GDPD4: variants seen among roughly 807,000 people sequenced by gnomAD.
GDPD4 encodes the protein glycerophosphodiester phosphodiesterase 6.
Under a neutral mutation model 67.8 loss-of-function variants are expected in GDPD4, and 60 were observed. The ratio of observed to expected loss-of-function variants is 0.88; its 90% CI spans 0.72 to 1.10. The LOEUF (loss-of-function observed/expected upper bound fraction) is 1.10. Ranked by LOEUF, GDPD4 falls within the 50% of genes least tolerant of loss-of-function variation. GDPD4 has a pLI of 0.00. For missense variants in GDPD4, 623 were observed against 613.9 expected (o/e 1.01, Z -0.16); for synonymous variants, 212 against 210.9 (o/e 1.00, Z -0.04).
intron 16 of GDPD4, among the ~76,000 whole-genome samples, chr11:77,224,905 C>A (rs1404125161): frequency 6.6e-6 from 1 of 151,158 alleles, no homozygotes; most frequent in Non-Finnish European, 1.5e-5. Context: ...AGTTTGAGAT[C>A]AGCCTGGGCA....
rs545814559 is a variant in GDPD4, at chr11:77,219,789, G to A, written c.1526-2475C>T. Among the ~76,000 whole-genome samples the A allele has an allele frequency of 6.9e-3, 1,046 of 152,204 alleles. 9 individuals are homozygous for A. The highest frequency in any genetic ancestry group is 0.02 in the Middle Eastern group (6 of 294). On this transcript the variant is annotated intron_variant, in intron 16 of 16. Coordinates refer to ENST00000315938, the MANE Select transcript of GDPD4 (RefSeq NM_182833.3). ...CTGTTTTGGTTACTGTAGCCTTGTA[G>A]TATAGTTTGAAGTCAGGTAGCTTGA... is the stretch of plus-strand genomic sequence containing the variant.
chr11:77,266,602 A>G (rs1004369690), intron 10 of GDPD4, among the ~76,000 whole-genome samples: 1 of 152,194 alleles, frequency 6.6e-6, no homozygotes, highest in Non-Finnish European at 1.5e-5. Flanking sequence ...TTGTTTTCAT[A>G]GGAGATGACC....
intron 1 of GDPD4, among the ~76,000 whole-genome samples, chr11:77,295,716 G>A (rs1937932386): frequency 6.6e-6 from 1 of 152,156 alleles, no homozygotes; most frequent in Admixed American, 6.5e-5. Context: ...GCAAAGATTT[G>A]TTAGGTATAA....
intron 5 of GDPD4, among the ~76,000 whole-genome samples, chr11:77,274,259 T>C (rs1959348398): frequency 6.6e-6 from 1 of 152,222 alleles, no homozygotes; most frequent in Non-Finnish European, 1.5e-5. Flanking sequence ...TCTAAATTTA[T>C]ATTTCCAGTT....
intron 11 of GDPD4, among the ~76,000 whole-genome samples, chr11:77,253,370 T>C (rs187309312): frequency 6.6e-6 from 1 of 152,250 alleles, no homozygotes; most frequent in Non-Finnish European, 1.5e-5. Context: ...CAGCAGTATC[T>C]CAGACTCTGT....
chr11:77,235,193 TACCCACTTTCTTAA>T (rs1958538297), intron 13 of GDPD4, among the ~76,000 whole-genome samples: 1 of 152,006 alleles, frequency 6.6e-6, no homozygotes. Flanking sequence ...TCATATCCTT[TACCCACTTTCTTAA>T]ACAAGTGGAG....
intron 1 of GDPD4, among the ~76,000 whole-genome samples, chr11:77,294,791 G>C (rs970163401): frequency 6.6e-6 from 1 of 152,008 alleles, no homozygotes; most frequent in South Asian, 2.1e-4. Flanking sequence ...CAAAAAGACA[G>C]ACATAGAGAT....
At chr11:77,271,845 A>C (rs1565535803) in intron 5 of GDPD4, among the ~76,000 whole-genome samples, 1 of 152,218 alleles carries the variant, frequency 6.6e-6, no homozygotes, top group Non-Finnish European at 1.5e-5. Flanking sequence ...AAGCTTCATG[A>C]AGTCAAGGTT....
At chr11:77,219,349 G>A (rs939105734) in intron 16 of GDPD4, among the ~76,000 whole-genome samples, 8 of 152,204 alleles carry the variant, frequency 5.3e-5, no homozygotes, top group African/African-American at 1.9e-4. Context: ...TCACTCCGAT[G>A]GCAGTTTGTT....
chr11:77,239,254 A>G (rs2135838117), intron 13 of GDPD4, among the ~76,000 whole-genome samples: 1 of 152,372 alleles, frequency 6.6e-6, no homozygotes, highest in African/African-American at 2.4e-5. Flanking sequence ...AATGGTGAAC[A>G]GTCGAAAGCT....
At chr11:77,256,770 C>T (rs1263304303) in intron 11 of GDPD4, among the ~76,000 whole-genome samples, 4 of 152,166 alleles carry the variant, frequency 2.6e-5, no homozygotes, top group Non-Finnish European at 1.5e-5. Flanking sequence ...CTCCCTCTCT[C>T]GCCATATGAC....
intron 11 of GDPD4, among the ~76,000 whole-genome samples, chr11:77,254,383 T>C (rs1335474105): frequency 1.3e-5 from 2 of 152,128 alleles, no homozygotes; most frequent in Admixed American, 1.3e-4. Flanking sequence ...GTCTCCTGAG[T>C]TTCTGTGCTC....
intron 11 of GDPD4, among the ~76,000 whole-genome samples, chr11:77,252,650 T>C (rs1958930117): frequency 6.6e-6 from 1 of 152,188 alleles, no homozygotes; most frequent in Admixed American, 6.5e-5. Context: ...CTAAACTTTC[T>C]AGAGTGGCTT....
intron 10 of GDPD4, among the ~76,000 whole-genome samples, chr11:77,265,614 TAA>T (rs1315208385): frequency 1.3e-5 from 2 of 152,178 alleles, no homozygotes; most frequent in Non-Finnish European, 2.9e-5. Flanking sequence ...CTGACACTGA[TAA>T]AATCTGTGAC....
intron 5 of GDPD4, among the ~76,000 whole-genome samples, chr11:77,272,767 CTCTGCCTCAAA>C (rs1379847352): frequency 2.0e-5 from 3 of 150,888 alleles, no homozygotes; most frequent in Non-Finnish European, 2.9e-5. Context: ...CGGAGTGAGA[CTCTGCCTCAAA>C]AAAAAAAAAA....
At position 77,216,813 on chromosome 11, in the gene GDPD4, G is replaced by A; in HGVS notation, c.*464C>T. 1 of 611,822 alleles carries A rather than the reference G, an allele frequency of 1.6e-6. No individual in the cohort carries two copies. Among genetic ancestry groups the A allele is most frequent in the Non-Finnish European group, 2.9e-6 (1 of 343,764 alleles). 37.9% of individuals were successfully genotyped at this position (611,822 alleles called of 1,614,324 possible). A position where few individuals can be genotyped will look rare whatever the true frequency, so the allele number is the denominator to read the frequency against. ...CACCCTTAGGCAGAGAGAGGAAGAA[G>A]CAGGGGAGATGTGGCTAATTCTTCT... On this transcript the variant is annotated 3_prime_UTR_variant, in exon 17 of 17. Transcript: ENST00000315938.
chr11:77,279,922 A>G (rs1959679628), intron 3 of GDPD4, among the ~76,000 whole-genome samples: 2 of 152,260 alleles, frequency 1.3e-5, no homozygotes, highest in African/African-American at 4.8e-5. Flanking sequence ...TGATCTAGGT[A>G]TTACACAAAG....
chr11:77,251,207 ATTC>A (rs1178107529), intron 11 of GDPD4, among the ~76,000 whole-genome samples: 1 of 151,984 alleles, frequency 6.6e-6, no homozygotes, highest in Admixed American at 6.6e-5. Flanking sequence ...TGTTTTGTAT[ATTC>A]TTTGTTTCTT....
At chr11:77,282,719 A>C (rs929926539) in intron 3 of GDPD4, among the ~76,000 whole-genome samples, 6 of 152,160 alleles carry the variant, frequency 3.9e-5, no homozygotes, top group Admixed American at 6.5e-5. Context: ...AAAAAAAAAA[A>C]CACAGAACTG....
Sources: gnomAD v4.1 joint callset for allele counts (sites outside exome capture counted in the v4.1 genomes callset) on GRCh38, gnomAD v4.1.1 for gene constraint, MANE v1.5 for transcripts, NCBI Gene and HGNC (gene_info 2026-07-23, HGNC 2026-07-21) for gene names.